Variants in EHMT1 observed in about 807,000 individuals in gnomAD.
The protein encoded by EHMT1 is euchromatic histone lysine methyltransferase 1, also known as histone-lysine N-methyltransferase EHMT1.
In EHMT1, 15 loss-of-function variants were observed where a neutral mutation model predicts 147.2. The ratio of observed to expected loss-of-function variants is 0.10; its 90% confidence interval spans 0.07 to 0.16. The LOEUF (loss-of-function observed/expected upper bound fraction) is 0.16. Among genes scored for constraint, EHMT1 ranks in the 10% least tolerant of loss-of-function variants. The pLI is 1.00. For synonymous variants in EHMT1, 795 were observed against 709.6 expected (o/e 1.12, Z -1.91); for missense variants, 1,587 against 1,772.4 (o/e 0.90, Z 1.88).
rs1950898892 is a variant in EHMT1, at chr9:137,775,618, C to G, written c.1791+366C>G. 6.6e-6 allele frequency among the ~76,000 whole-genome samples: 1 copy of G among 151,774 alleles called. No individual in the cohort carries two copies. The stretch of plus-strand genomic sequence containing the variant: ...AGGGGCTTGTGACGCACTGGAGACT[C>G]CAGGTGGAGGCTGTACTGAGGACGT... On this transcript the variant is annotated intron_variant, in intron 11 of 26. Transcript: ENST00000460843. The surrounding 1 kb of genome is among the most constrained non-coding windows in gnomAD (Gnocchi z 6.1).
chr9:137,692,416 C>T (rs189570772), intron 1 of EHMT1, among the ~76,000 whole-genome samples: 1 of 151,850 alleles, frequency 6.6e-6, no homozygotes, highest in African/African-American at 2.4e-5. Context: ...AGGCGTGCAC[C>T]ACCGCGCCGG....
At chr9:137,814,825 G>A in intron 22 of EHMT1, 2 of 525,376 alleles carry the variant, frequency 3.8e-6, no homozygotes, top group Non-Finnish European at 6.9e-6. Context: ...TGTGTATCTG[G>A]TAAGCTGTGC....
At chr9:137,767,682 G>A (rs1225964766) in intron 10 of EHMT1, among the ~76,000 whole-genome samples, 3 of 152,068 alleles carry the variant, frequency 2.0e-5, no homozygotes, top group Non-Finnish European at 4.4e-5. Context: ...GCGTGGTGGC[G>A]GGAGCTTGTA....
chr9:137,792,995 G>C (rs1952641218), intron 16 of EHMT1, among the ~76,000 whole-genome samples: 1 of 152,194 alleles, frequency 6.6e-6, no homozygotes. Flanking sequence ...CCGCTTCTGG[G>C]TTGGGGTTTC....
At chr9:137,624,098 C>T (rs1242650793) in intron 1 of EHMT1, among the ~76,000 whole-genome samples, 1 of 150,872 alleles carries the variant, frequency 6.6e-6, no homozygotes, top group African/African-American at 2.4e-5. Flanking sequence ...CTCCTGGGCT[C>T]AAGTGGTTCT....
intron 9 of EHMT1, among the ~76,000 whole-genome samples, chr9:137,759,377 A>G (rs1949630031): frequency 6.6e-6 from 1 of 152,098 alleles, no homozygotes; most frequent in South Asian, 2.1e-4. Context: ...AGTAAATAGT[A>G]TTTCATTTTG....
At chr9:137,710,695 T>C (rs904044739) in intron 1 of EHMT1, among the ~76,000 whole-genome samples, 4 of 152,168 alleles carry the variant, frequency 2.6e-5, no homozygotes, top group African/African-American at 9.7e-5. Context: ...ATTTCAGATA[T>C]CTAATTATAT....
chr9:137,670,432 A>G (rs920228547), intron 1 of EHMT1, among the ~76,000 whole-genome samples: 1 of 151,806 alleles, frequency 6.6e-6, no homozygotes, highest in South Asian at 2.1e-4. Flanking sequence ...GGGCCTTGCT[A>G]TCCTGCCCCC....
intron 18 of EHMT1, among the ~76,000 whole-genome samples, chr9:137,806,669 A>G (rs1284055018): frequency 1.3e-5 from 2 of 151,966 alleles, no homozygotes; most frequent in East Asian, 1.9e-4. Context: ...TCCTGACCTC[A>G]TGATCCGCCC....
At chr9:137,639,738 A>T (rs1302363464) in intron 1 of EHMT1, among the ~76,000 whole-genome samples, 1 of 152,016 alleles carries the variant, frequency 6.6e-6, no homozygotes, top group African/African-American at 2.4e-5. Context: ...CTGAGATCGG[A>T]TCTTGTAGAT....
intron 3 of EHMT1, among the ~76,000 whole-genome samples, chr9:137,726,188 G>A (rs1946610211): frequency 6.6e-6 from 1 of 152,090 alleles, no homozygotes. Context: ...GCACATTCAC[G>A]CTGCCGTGCA....
chr9:137,769,532 C>A (rs550322899), intron 10 of EHMT1, among the ~76,000 whole-genome samples: 2 of 152,158 alleles, frequency 1.3e-5, no homozygotes, highest in Admixed American at 6.5e-5. Flanking sequence ...CAGTTCCCCA[C>A]CCCCCAGCCC....
intron 18 of EHMT1, among the ~76,000 whole-genome samples, chr9:137,805,058 AGTCCACATGTCTGTCAGTC>A (rs1185074217): frequency 6.7e-6 from 1 of 149,994 alleles, no homozygotes; most frequent in Non-Finnish European, 1.5e-5. Flanking sequence ...CACATGTGTC[AGTCCACATGTCTGTCAGTC>A]GTCCACATGT....
In EHMT1 at chr9:137,828,193, G is replaced by A. The variant is rs941327539; in HGVS notation, c.3541-6156G>A. 6.6e-6 allele frequency among the ~76,000 whole-genome samples: 1 copy of A among 152,140 alleles called. No individual in the cohort carries two copies. Among genetic ancestry groups the A allele is most frequent in the Non-Finnish European group, 1.5e-5 (1 of 68,000 alleles). ...CCACAGGCCCCAGGGGGGTGCTGGC[G>A]GGCATCAGGGAAGTCCCGGTGACAA... On this transcript the variant is annotated intron_variant, in intron 25 of 26. Transcript: ENST00000460843. The surrounding 1 kb of genome is among the most constrained non-coding windows in gnomAD (Gnocchi z 5.3).
intron 24 of EHMT1, 55 bp from the exon 25 acceptor site, chr9:137,818,005 C>T: frequency 1.3e-6 from 2 of 1,558,554 alleles, no homozygotes; most frequent in Non-Finnish European, 1.8e-6. Flanking sequence ...CTGTGCTTGT[C>T]TGTGGGCAGT....
chr9:137,763,184 T>TGCCCAGACC, intron 10 of EHMT1: 1 of 461,990 alleles, frequency 2.2e-6, no homozygotes, highest in South Asian at 2.3e-5. Context: ...TGCCCAGAAC[T>TGCCCAGACC]GTGGTTTCCT....
rs1944121985 is a variant in EHMT1 at position 137,704,816 on chromosome 9, C to A, written c.22-6151C>A. On this transcript the variant is annotated intron_variant, in intron 1 of 26. Transcript: ENST00000460843. ...CCCTCCCTCCCGCCCTCCCTCCCTCCTTTTCTTCCTGCCTTCTTTCTTTCC... is the reference window on the plus strand; with the variant it reads ...CCCTCCCTCCCGCCCTCCCTCCCTCATTTTCTTCCTGCCTTCTTTCTTTCC... 1.4e-5 allele frequency among the ~76,000 whole-genome samples: 2 copies of A among 141,130 alleles called. 1 individual carries two copies. The highest frequency in any genetic ancestry group is 5.3e-5 in the African/African-American group (2 of 37,412). The allele number at this position is 141,130 out of a possible 152,430, so 92.6% of individuals were successfully genotyped here. A position where few individuals can be genotyped will look rare whatever the true frequency, so the allele number is the denominator to read the frequency against.
chr9:137,757,846 C>T (rs767235134), intron 8 of EHMT1, 34 bp from the exon 9 acceptor site: 12 of 1,612,294 alleles, frequency 7.4e-6, no homozygotes, highest in South Asian at 1.1e-5. Context: ...CGCCTGGGTG[C>T]GTGGTGTCTG....
At position 137,735,402 on chromosome 9, in the gene EHMT1, A is replaced by C. The variant is rs372306280; in HGVS notation, c.823+6873A>C. Among the ~76,000 whole-genome samples the C allele has an allele frequency of 9.7e-4, 148 of 152,330 alleles. 1 individual carries two copies. The South Asian group carries it at 0.016, about 16-fold the overall frequency. ...AAGAAAATAGCTATAGAACATACAC[A>C]AAAGGAAATGAGAAAAGAATTTAAA... On this transcript the variant is annotated intron_variant, in intron 4 of 26. Transcript: ENST00000460843.
Sources: allele counts gnomAD v4.1 joint callset (sites outside exome capture counted in the v4.1 genomes callset), GRCh38; gene constraint gnomAD v4.1.1; non-coding constraint Gnocchi (gnomAD v3.1); transcripts MANE v1.5; gene names NCBI Gene and HGNC (gene_info 2026-07-23, HGNC 2026-07-21).